The following PDE6C variants were observed in gnomAD, a reference collection of about 807,000 sequenced individuals.
PDE6C encodes cone cGMP-specific 3',5'-cyclic phosphodiesterase subunit alpha'.
In PDE6C, 75 loss-of-function variants were observed where a neutral mutation model predicts 113.1. That is an observed-to-expected ratio of 0.66 (90% CI 0.55 to 0.80). The LOEUF is 0.80. PDE6C is among the 30% of genes least tolerant of loss of function. The pLI, the probability that PDE6C is intolerant of heterozygous loss-of-function variation, is 0.00. For missense variants in PDE6C, 912 were observed against 1,038.6 expected, an observed-to-expected ratio of 0.88 and a Z score of 1.67; for synonymous variants, 375 against 363.7, an observed-to-expected ratio of 1.03 and a Z score of -0.35.
At position 93,634,941 on chromosome 10, in the gene PDE6C, C is replaced by A. The variant is rs1213275983; in HGVS notation, c.1269+34C>A. 3.1e-6 allele frequency: 5 copies of A among 1,609,020 alleles called. No homozygotes were observed. In the South Asian group the frequency reaches 3.3e-5, roughly 11 times the overall value. The stretch of plus-strand genomic sequence containing the variant: ...AATAATAAGATAATGGAAGTCAATG[C>A]AATTCACAAAATAAGAGAGGGCACG... On this transcript the variant is annotated intron_variant, in intron 9 of 21. Coordinates refer to ENST00000371447, the MANE Select transcript of PDE6C (RefSeq NM_006204.4).
intron 15 of PDE6C, among the ~76,000 whole-genome samples, chr10:93,654,811 T>TTTCTTTCTTTTCTTTC (rs750357715): frequency 1.5e-5 from 1 of 68,212 alleles, no homozygotes; most frequent in African/African-American, 3.8e-5. Context: ...TCTTTCTTTC[T>TTTCTTTCTTTTCTTTC]TTTTTTTTTT....
At chr10:93,658,755 C>T in intron 16 of PDE6C, 146 bp from the exon 17 acceptor site, 1 of 653,314 alleles carries the variant, frequency 1.5e-6, no homozygotes, top group Non-Finnish European at 2.8e-6. Flanking sequence ...CCATTCTCTG[C>T]TCTCGTATTT....
intron 11 of PDE6C, 93 bp downstream of exon 11, chr10:93,637,156 A>G (rs895579127): frequency 4.2e-6 from 3 of 721,974 alleles, no homozygotes; most frequent in Non-Finnish European, 7.5e-6. Flanking sequence ...TTTCAAGTAA[A>G]TGTTGAGTTT....
chr10:93,643,861 T>C (rs1011361076), intron 14 of PDE6C, among the ~76,000 whole-genome samples: 4 of 152,176 alleles, frequency 2.6e-5, no homozygotes, highest in African/African-American at 9.7e-5. Context: ...TTACCTAATA[T>C]AAAGTGTTTT....
chr10:93,655,491 AC>A (rs991942358), intron 15 of PDE6C, among the ~76,000 whole-genome samples: 11 of 152,062 alleles, frequency 7.2e-5, no homozygotes, highest in African/African-American at 2.7e-4. Flanking sequence ...AAAAAGTTAA[AC>A]ACTGATTACA....
rs1312427902 is a variant in PDE6C at position 93,616,678 on chromosome 10, G to A, written c.480+3473G>A. Among the ~76,000 whole-genome samples, 7 of 123,380 alleles carry A rather than the reference G, an allele frequency of 5.7e-5. No homozygotes were observed. In the East Asian group the frequency reaches 9.1e-4, roughly 16 times the overall value. 80.9% of individuals were successfully genotyped at this position (123,380 alleles called of 152,430 possible). A position where few individuals can be genotyped will look rare whatever the true frequency, so the allele number is the denominator to read the frequency against. ...TTTTTTTTTTTTTTTTTTTTGAGAC[G>A]GAGTCTCGCTCTGTCACAAGGCTGG... On this transcript the variant is annotated intron_variant, in intron 1 of 21. Coordinates refer to ENST00000371447, the MANE Select transcript of PDE6C (RefSeq NM_006204.4).
At position 93,637,071 on chromosome 10, in the gene PDE6C, T is replaced by C. The variant is rs1376948531; in HGVS notation, c.1482+8T>C. 1 of 1,517,486 alleles carries C rather than the reference T, an allele frequency of 6.6e-7. No homozygotes were observed. Among genetic ancestry groups the C allele is most frequent in the Non-Finnish European group, 9.2e-7 (1 of 1,092,532 alleles). 94.0% of individuals were successfully genotyped at this position (1,517,486 alleles called of 1,614,324 possible). On this transcript the variant is annotated splice_region_variant and intron_variant, in intron 11 of 21. Transcript: ENST00000371447. ...CAACTTGTTGCAATTTTGGTAAGTG[T>C]TTTCTTTCTAACCTTAATGCCTGTT... is the stretch of plus-strand genomic sequence containing the variant.
Position 93,663,727 on chromosome 10 carries a change from T to C in PDE6C, c.2518+549T>C, listed in dbSNP as rs540269257. On this transcript the variant is annotated intron_variant, in intron 21 of 21. Coordinates refer to ENST00000371447, the MANE Select transcript of PDE6C (RefSeq NM_006204.4). ...TTTCTGGCATGAGATTCCTGTGCCA[T>C]TTTTTTTCTGGCATGAAATTTCTAT... is the stretch of plus-strand genomic sequence containing the variant. Among the ~76,000 whole-genome samples, 75 of 151,872 alleles carry C rather than the reference T, an allele frequency of 4.9e-4. 1 individual carries two copies. Among genetic ancestry groups the C allele is most frequent in the African/African-American group, 1.7e-3 (69 of 41,256 alleles).
chr10:93,640,037 G>A (rs750167108), intron 11 of PDE6C, 33 bp from the exon 12 acceptor site: 2 of 1,612,884 alleles, frequency 1.2e-6, no homozygotes, highest in East Asian at 4.5e-5. Flanking sequence ...ACAGATGAAT[G>A]TAATCTGAAA....
In PDE6C at chr10:93,663,303, C is replaced by G. The variant is rs917800716; in HGVS notation, c.2518+125C>G. 9.6e-6 allele frequency: 9 copies of G among 936,218 alleles called. No individual in the cohort carries two copies. In the African/African-American group the frequency reaches 1.5e-4, roughly 15 times the overall value. The allele number at this position is 936,218 out of a possible 1,614,324, so 58.0% of individuals were successfully genotyped here. A position where few individuals can be genotyped will look rare whatever the true frequency, so the allele number is the denominator to read the frequency against. On this transcript the variant is annotated intron_variant, in intron 21 of 21. Transcript: ENST00000371447. The stretch of plus-strand genomic sequence containing the variant: ...ACCTGCTTTACTGGTGCAGACTGAT[C>G]ATTTTAACAGGCCGATTAGTGGTTT...
At chr10:93,650,154 A>G (rs2058603173) in intron 15 of PDE6C, among the ~76,000 whole-genome samples, 1 of 152,230 alleles carries the variant, frequency 6.6e-6, no homozygotes, top group African/African-American at 2.4e-5. Context: ...TAGCACAATA[A>G]TAGAATAATC....
At chr10:93,660,240 GTTTA>G (rs1256350722) in intron 18 of PDE6C, among the ~76,000 whole-genome samples, 1 of 152,146 alleles carries the variant, frequency 6.6e-6, no homozygotes, top group Non-Finnish European at 1.5e-5. Context: ...AAGCGTACAC[GTTTA>G]TTTGTTTTAC....
At chr10:93,650,227 C>T (rs2058603451) in intron 15 of PDE6C, among the ~76,000 whole-genome samples, 1 of 152,110 alleles carries the variant, frequency 6.6e-6, no homozygotes, top group Admixed American at 6.6e-5. Flanking sequence ...TTTTAGATTA[C>T]TCATGTTGTG....
chr10:93,617,250 T>C (rs677517), intron 1 of PDE6C, among the ~76,000 whole-genome samples: 1 of 151,988 alleles, frequency 6.6e-6, no homozygotes, highest in Non-Finnish European at 1.5e-5. Context: ...TCGCTAAGGA[T>C]TTTTTGAGCT....
At chr10:93,656,279 T>G (rs1255612336) in intron 16 of PDE6C, among the ~76,000 whole-genome samples, 1 of 152,194 alleles carries the variant, frequency 6.6e-6, no homozygotes, top group Non-Finnish European at 1.5e-5. Flanking sequence ...AATTTAATTC[T>G]GTCAAAGTCT....
chr10:93,644,799 A>AC (rs1162474855), intron 14 of PDE6C, among the ~76,000 whole-genome samples: 4 of 142,670 alleles, frequency 2.8e-5, no homozygotes, highest in African/African-American at 1.0e-4. Flanking sequence ...TATATATAGT[A>AC]TATATATAGT....
intron 3 of PDE6C, 55 bp downstream of exon 3, chr10:93,621,035 C>A: frequency 7.1e-7 from 1 of 1,413,712 alleles, no homozygotes; most frequent in Non-Finnish European, 1.0e-6. Flanking sequence ...ACAAAGCCGC[C>A]CAGAGACAAC....
chr10:93,634,801 T>C lies in PDE6C; in HGVS notation c.1163T>C (p.Leu388Ser), dbSNP rs1564799689. The C allele has an allele frequency of 6.2e-7, 1 of 1,614,138 alleles. No homozygotes were observed. Residue 388 changes from leucine (L) to serine (S), a missense_variant, in exon 9 of 22, where the codon TTG (leucine) becomes TCG (serine). Leu to Ser is a moderately radical substitution (Grantham distance 145). Coordinates refer to ENST00000371447, the MANE Select transcript of PDE6C (RefSeq NM_006204.4). ...ACTGGTTGGGTCATTAAGAATGTTT[T>C]GTCCCTGCCTATTGTCAACAAGAAA... ...DETGWVIKNV[L>S]SLPIVNKKED... is the part of the protein sequence containing the mutation.
intron 11 of PDE6C, among the ~76,000 whole-genome samples, chr10:93,637,347 G>T (rs1168778226): frequency 6.6e-6 from 1 of 151,988 alleles, no homozygotes; most frequent in East Asian, 1.9e-4. Flanking sequence ...GGATATCAAG[G>T]CACAGTTTAT....
Sources: gnomAD v4.1 joint callset for allele counts (sites outside exome capture counted in the v4.1 genomes callset) on GRCh38, gnomAD v4.1.1 for gene constraint, MANE v1.5 for transcripts, NCBI Gene and HGNC (gene_info 2026-07-23, HGNC 2026-07-21) for gene names.